The following LRFN5 variants were observed in gnomAD, a reference collection of about 807,000 sequenced individuals.
The protein encoded by LRFN5 is leucine rich repeat and fibronectin type III domain containing 5, also known as leucine-rich repeat and fibronectin type-III domain-containing protein 5.
In LRFN5, 24 loss-of-function variants were observed where a neutral mutation model predicts 45.6. That is an observed-to-expected ratio of 0.53 (90% CI 0.38 to 0.74). The LOEUF (loss-of-function observed/expected upper bound fraction) is 0.74, where lower values mean the gene tolerates loss of function less well. LRFN5 is among the 30% of genes least tolerant of loss of function. LRFN5 has a pLI of 0.00. For synonymous variants in LRFN5, 340 were observed against 313.8 expected, an observed-to-expected ratio of 1.08 and a Z score of -0.88; for missense variants, 776 against 861.5, an observed-to-expected ratio of 0.90 and a Z score of 1.24.
At chr14:41,890,336 T>C (rs1890732678) in intron 3 of LRFN5, among the ~76,000 whole-genome samples, 1 of 152,220 alleles carries the variant, frequency 6.6e-6, no homozygotes, top group Non-Finnish European at 1.5e-5. Context: ...TATATTTTCA[T>C]TATCCTCATG....
Position 41,760,702 on chromosome 14 carries a change from AAAG to A in LRFN5, c.-196-6148_-196-6146del, listed in dbSNP as rs911739909. Reference sequence around the variant, plus strand: ...AGGATGAGAGAGGGAGGGAGGAAGGAAAGAAGGGAATCAGGGAGGGATAGAGAG... The same window carrying A: ...AGGATGAGAGAGGGAGGGAGGAAGGAAAGGGAATCAGGGAGGGATAGAGAG... On this transcript the variant is annotated intron_variant, in intron 1 of 5. Transcript: ENST00000298119. Among the ~76,000 whole-genome samples the A allele has an allele frequency of 1.2e-4, 19 of 152,182 alleles. 1 individual carries two copies. Among genetic ancestry groups the A allele is most frequent in the African/African-American group, 4.3e-4 (18 of 41,528 alleles).
chr14:41,882,928 A>C (rs1890435013), intron 2 of LRFN5, among the ~76,000 whole-genome samples: 1 of 140,670 alleles, frequency 7.1e-6, no homozygotes, highest in Admixed American at 8.0e-5. Flanking sequence ...TGCTTACTGC[A>C]ATCTCCACCT....
chr14:41,820,293 A>C (rs1888070381), intron 2 of LRFN5, among the ~76,000 whole-genome samples: 1 of 152,114 alleles, frequency 6.6e-6, no homozygotes, highest in Admixed American at 6.6e-5. Flanking sequence ...AATTTTAAAT[A>C]TGGTGAGAGA....
intron 1 of LRFN5, among the ~76,000 whole-genome samples, chr14:41,752,128 T>C (rs1594674507): frequency 6.6e-6 from 1 of 152,302 alleles, no homozygotes; most frequent in East Asian, 1.9e-4. Flanking sequence ...TATTCCATAG[T>C]GTATATGTGC....
chr14:41,826,776 A>G (rs932251857), intron 2 of LRFN5, among the ~76,000 whole-genome samples: 2 of 151,986 alleles, frequency 1.3e-5, no homozygotes, highest in Admixed American at 6.6e-5. Flanking sequence ...AAATAAATAT[A>G]TAAGTATCTT....
chr14:41,659,084 G>T (rs1207597868), intron 1 of LRFN5, among the ~76,000 whole-genome samples: 2 of 151,556 alleles, frequency 1.3e-5, no homozygotes, highest in African/African-American at 4.9e-5. Flanking sequence ...TTAAGTTCTG[G>T]AGTACATGTT....
At chr14:41,749,810 T>C (rs949528027) in intron 1 of LRFN5, among the ~76,000 whole-genome samples, 2 of 152,044 alleles carry the variant, frequency 1.3e-5, no homozygotes, top group African/African-American at 4.8e-5. Context: ...AAACCTAAAA[T>C]AAAAGTTAAA....
chr14:41,703,640 A>G (rs1037299791), intron 1 of LRFN5, among the ~76,000 whole-genome samples: 1 of 151,898 alleles, frequency 6.6e-6, no homozygotes, highest in Non-Finnish European at 1.5e-5. Context: ...TTCTTTTGGG[A>G]GAATAACTAT....
At chr14:41,760,394 A>T (rs1885610398) in intron 1 of LRFN5, among the ~76,000 whole-genome samples, 1 of 152,124 alleles carries the variant, frequency 6.6e-6, no homozygotes. Context: ...TGCTTCTATT[A>T]TATCTAATTT....
chr14:41,740,223 C>A (rs1476647883), intron 1 of LRFN5, among the ~76,000 whole-genome samples: 1 of 151,842 alleles, frequency 6.6e-6, no homozygotes, highest in Non-Finnish European at 1.5e-5. Flanking sequence ...ATATTAAAAC[C>A]ATACAAGGAC....
intron 2 of LRFN5, among the ~76,000 whole-genome samples, chr14:41,786,874 T>C (rs1886740673): frequency 6.6e-6 from 1 of 152,060 alleles, no homozygotes; most frequent in Non-Finnish European, 1.5e-5. Context: ...TATCACTGTC[T>C]TGACATTCTT....
At chr14:41,785,815 A>G (rs1886699095) in intron 2 of LRFN5, among the ~76,000 whole-genome samples, 1 of 152,198 alleles carries the variant, frequency 6.6e-6, no homozygotes, top group South Asian at 2.1e-4. Flanking sequence ...TGCAGCCTAC[A>G]TCCCTCATAT....
Position 41,781,558 on chromosome 14 carries a change from G to GAGAAAGAAAGAAAGAA in LRFN5, c.-21+14573_-21+14588dup, listed in dbSNP as rs55859357. Reference sequence around the variant, plus strand: ...AGGAAGGAAGGAAGGAGAAAAGAAAGAGAAAGAAAGAAAGAAAGAAAGAAA... The same window carrying GAGAAAGAAAGAAAGAA: ...AGGAAGGAAGGAAGGAGAAAAGAAAGAGAAAGAAAGAAAGAAAGAAAGAAAGAAAGAAAGAAAGAAA... On this transcript the variant is annotated intron_variant, in intron 2 of 5. Transcript: ENST00000298119. Among the ~76,000 whole-genome samples the GAGAAAGAAAGAAAGAA allele has an allele frequency of 4.2e-3, 453 of 106,970 alleles. 2 individuals are homozygous for GAGAAAGAAAGAAAGAA. The highest frequency in any genetic ancestry group is 5.1e-3 in the Non-Finnish European group (278 of 54,890). 70.2% of individuals were successfully genotyped at this position (106,970 alleles called of 152,430 possible).
chr14:41,752,131 A>T (rs541179095), intron 1 of LRFN5, among the ~76,000 whole-genome samples: 2 of 152,286 alleles, frequency 1.3e-5, no homozygotes, highest in African/African-American at 4.8e-5. Context: ...TCCATAGTGT[A>T]TATGTGCCAC....
chr14:41,651,344 A>G (rs1177464502), intron 1 of LRFN5, among the ~76,000 whole-genome samples: 1 of 152,176 alleles, frequency 6.6e-6, no homozygotes, highest in Non-Finnish European at 1.5e-5. Flanking sequence ...CAAGTACTGA[A>G]TCTCAAAAGG....
intron 1 of LRFN5, among the ~76,000 whole-genome samples, chr14:41,689,151 G>T (rs1398041443): frequency 6.6e-6 from 1 of 151,860 alleles, no homozygotes; most frequent in Admixed American, 6.6e-5. Flanking sequence ...ATTTTAAAAA[G>T]AAGAAAGCTC....
intron 2 of LRFN5, among the ~76,000 whole-genome samples, chr14:41,833,668 C>T (rs1316328915): frequency 6.6e-6 from 1 of 152,180 alleles, no homozygotes; most frequent in Admixed American, 6.5e-5. Flanking sequence ...CCTCTCTGAA[C>T]AGGATGTGTG....
chr14:41,744,780 A>G (rs1224629565), intron 1 of LRFN5, among the ~76,000 whole-genome samples: 1 of 152,190 alleles, frequency 6.6e-6, no homozygotes, highest in East Asian at 1.9e-4. Flanking sequence ...TAAATTTATA[A>G]AGCTTACAAG....
chr14:41,691,222 A>T (rs1330848325), intron 1 of LRFN5, among the ~76,000 whole-genome samples: 8 of 152,062 alleles, frequency 5.3e-5, no homozygotes, highest in Non-Finnish European at 1.2e-4. Context: ...TTTAAAAATC[A>T]TTTTTCTGTT....
Sources: allele counts gnomAD v4.1 joint callset (sites outside exome capture counted in the v4.1 genomes callset), GRCh38; gene constraint gnomAD v4.1.1; transcripts MANE v1.5; gene names NCBI Gene and HGNC (gene_info 2026-07-23, HGNC 2026-07-21).